Variants in EXOC4 observed in about 807,000 individuals in gnomAD.
EXOC4 encodes the protein exocyst complex component 4, also known as SEC8-like 1.
In EXOC4, 71 loss-of-function variants were observed where a neutral mutation model predicts 107.2. That is an observed-to-expected ratio of 0.66 (90% confidence interval 0.55 to 0.81). The LOEUF (loss-of-function observed/expected upper bound fraction) is 0.81, where lower values mean the gene tolerates loss of function less well. EXOC4 is among the 30% of genes least tolerant of loss of function. The pLI, the probability that EXOC4 is intolerant of heterozygous loss-of-function variation, is 0.00. For synonymous variants in EXOC4, 456 were observed against 441.2 expected (o/e 1.03, Z -0.42); for missense variants, 1,108 against 1,189.6 (o/e 0.93, Z 1.01).
chr7:133,404,875 C>CG (rs1002314094), intron 7 of EXOC4, among the ~76,000 whole-genome samples: 5 of 73,776 alleles, frequency 6.8e-5, no homozygotes, highest in Non-Finnish European at 1.3e-4. Context: ...CCCTGCGCCC[C>CG]CCCCCCCAAT....
intron 9 of EXOC4, among the ~76,000 whole-genome samples, chr7:133,521,496 TC>T (rs1203615940): frequency 6.6e-6 from 1 of 152,188 alleles, no homozygotes; most frequent in East Asian, 1.9e-4. Flanking sequence ...AAATTTGTAT[TC>T]TCCCCCAATG....
chr7:133,567,201 A>G (rs549373701), intron 9 of EXOC4, among the ~76,000 whole-genome samples: 1 of 152,250 alleles, frequency 6.6e-6, no homozygotes, highest in African/African-American at 2.4e-5. Context: ...GTTAATTTAT[A>G]TCATTAGTTT....
At chr7:133,933,791 T>A (rs950358937) in intron 13 of EXOC4, among the ~76,000 whole-genome samples, 9 of 152,180 alleles carry the variant, frequency 5.9e-5, no homozygotes, top group African/African-American at 1.9e-4. Flanking sequence ...TAATACCCAA[T>A]GTCCTCCAGT....
intron 7 of EXOC4, among the ~76,000 whole-genome samples, chr7:133,379,918 T>A (rs1354445451): frequency 6.6e-6 from 1 of 152,120 alleles, no homozygotes; most frequent in Non-Finnish European, 1.5e-5. Flanking sequence ...TATTAACAGG[T>A]GAAATTTACA....
At chr7:133,954,704 A>G (rs1800773864) in intron 14 of EXOC4, among the ~76,000 whole-genome samples, 1 of 152,216 alleles carries the variant, frequency 6.6e-6, no homozygotes, top group Non-Finnish European at 1.5e-5. Flanking sequence ...TTGACCTGGC[A>G]GGCTGTGCTT....
At chr7:133,896,591 A>G (rs1463989556) in intron 12 of EXOC4, among the ~76,000 whole-genome samples, 1 of 151,946 alleles carries the variant, frequency 6.6e-6, no homozygotes, top group Non-Finnish European at 1.5e-5. Flanking sequence ...GGAGGTGGAG[A>G]GAAACATAAA....
intron 9 of EXOC4, among the ~76,000 whole-genome samples, chr7:133,510,475 C>G (rs1015010095): frequency 1.3e-5 from 2 of 152,138 alleles, no homozygotes; most frequent in African/African-American, 4.8e-5. Context: ...TAGCTCTGCT[C>G]AATAGGCTGG....
In EXOC4 at chr7:133,809,880, A is replaced by G. The variant is rs533785181; in HGVS notation, c.1515-7445A>G. ...CATGAATTACTTGTGCTCTAAAACC[A>G]GAATCCTGAATTTGAATATTCTGAA... On this transcript the variant is annotated intron_variant, in intron 10 of 17. Transcript: ENST00000253861. Among the ~76,000 whole-genome samples, 11 of 152,336 alleles carry G rather than the reference A, an allele frequency of 7.2e-5. No individual in the cohort carries two copies. The South Asian group carries it at 2.1e-3, about 29-fold the overall frequency.
intron 9 of EXOC4, among the ~76,000 whole-genome samples, chr7:133,532,653 G>A (rs1800202000): frequency 6.6e-6 from 1 of 151,962 alleles, no homozygotes; most frequent in Admixed American, 6.6e-5. Context: ...GGCCACATCA[G>A]GTTTTAAGCT....
intron 7 of EXOC4, among the ~76,000 whole-genome samples, chr7:133,400,275 A>G (rs1797060616): frequency 6.6e-6 from 1 of 152,208 alleles, no homozygotes; most frequent in African/African-American, 2.4e-5. Context: ...TGGTTATTCT[A>G]CATATAATCT....
At chr7:133,855,329 G>T (rs893588314) in intron 11 of EXOC4, among the ~76,000 whole-genome samples, 2 of 150,998 alleles carry the variant, frequency 1.3e-5, no homozygotes, top group Non-Finnish European at 2.9e-5. Flanking sequence ...TAGTTCCACA[G>T]CAGATTTCAA....
At chr7:133,601,168 C>T (rs1801796565) in intron 9 of EXOC4, among the ~76,000 whole-genome samples, 1 of 151,952 alleles carries the variant, frequency 6.6e-6, no homozygotes, top group Non-Finnish European at 1.5e-5. Context: ...GGGTTTTTTT[C>T]AAGGGTAAAA....
At chr7:133,665,224 G>A (rs1235102100) in intron 10 of EXOC4, among the ~76,000 whole-genome samples, 2 of 152,146 alleles carry the variant, frequency 1.3e-5, no homozygotes. Context: ...ATTTAAGTGA[G>A]AAGCATGTGT....
At chr7:133,774,132 A>G (rs1480060705) in intron 10 of EXOC4, among the ~76,000 whole-genome samples, 1 of 152,102 alleles carries the variant, frequency 6.6e-6, no homozygotes, top group Non-Finnish European at 1.5e-5. Flanking sequence ...TCTCTACCCA[A>G]TGAGCTAACC....
At chr7:133,445,410 T>C (rs1243716230) in intron 7 of EXOC4, among the ~76,000 whole-genome samples, 1 of 152,134 alleles carries the variant, frequency 6.6e-6, no homozygotes, top group Non-Finnish European at 1.5e-5. Context: ...CTTTGGAATA[T>C]AAAATGACTC....
At chr7:133,496,448 T>G (rs1799478517) in intron 9 of EXOC4, among the ~76,000 whole-genome samples, 1 of 152,204 alleles carries the variant, frequency 6.6e-6, no homozygotes, top group African/African-American at 2.4e-5. Flanking sequence ...GTTATAGGCT[T>G]GAGCCACTGC....
At chr7:133,962,971 T>C (rs182644387) in intron 14 of EXOC4, among the ~76,000 whole-genome samples, 2 of 152,348 alleles carry the variant, frequency 1.3e-5, no homozygotes, top group Admixed American at 6.5e-5. Flanking sequence ...TTAGAACAGA[T>C]GTATTGTGAT....
intron 10 of EXOC4, among the ~76,000 whole-genome samples, chr7:133,787,763 T>C (rs570014689): frequency 1.8e-3 from 272 of 151,154 alleles, no homozygotes; most frequent in Non-Finnish European, 2.9e-3. Flanking sequence ...TCCATCCTCA[T>C]AATCTTATAT....
chr7:134,030,625 G>A (rs1451896558), intron 17 of EXOC4, among the ~76,000 whole-genome samples: 3 of 152,086 alleles, frequency 2.0e-5, no homozygotes, highest in Non-Finnish European at 4.4e-5. Context: ...ACAAAGGCTT[G>A]GAGCAAATAC....
Sources: gnomAD v4.1 joint callset for allele counts (sites outside exome capture counted in the v4.1 genomes callset) on GRCh38, gnomAD v4.1.1 for gene constraint, MANE v1.5 for transcripts, NCBI Gene and HGNC (gene_info 2026-07-23, HGNC 2026-07-21) for gene names.